NT5C2: variants seen among roughly 807,000 people sequenced by gnomAD.
NT5C2 encodes the protein 5'-nucleotidase, cytosolic II.
In NT5C2, 58 loss-of-function variants were observed where a neutral mutation model predicts 76.1. The observed-to-expected ratio is 0.76, with a 90% confidence interval of 0.62 to 0.95. NT5C2 has a LOEUF of 0.95. Among genes scored for constraint, NT5C2 ranks in the 40% least tolerant of loss-of-function variants. The pLI, the probability that NT5C2 is intolerant of heterozygous loss-of-function variation, is 0.00. For missense variants in NT5C2, 478 were observed against 690.3 expected (o/e 0.69, Z 3.45); for synonymous variants, 229 against 237.4 (o/e 0.96, Z 0.32).
Position 103,101,084 on chromosome 10 carries a change from C to T in NT5C2, c.500G>A (p.Cys167Tyr), listed in dbSNP as rs1340184014. 1 of 1,589,766 alleles carries T rather than the reference C, an allele frequency of 6.3e-7. No homozygotes were observed. Among genetic ancestry groups the T allele is most frequent in the Non-Finnish European group, 8.6e-7 (1 of 1,157,904 alleles). Reference protein sequence around the residue: ...FNLPETYLLACLVDFFTNCPR... With the variant: ...FNLPETYLLAYLVDFFTNCPR... Reference sequence around the variant, plus strand: ...ACAATTAGTAAAAAAATCTACTAGGCAGGCCAACAGGTAGGTCTCTGAAAA... The same window carrying T: ...ACAATTAGTAAAAAAATCTACTAGGTAGGCCAACAGGTAGGTCTCTGAAAA... The change falls in exon 8 of 19, where the codon TGC becomes TAC. Residue 167 changes from cysteine to tyrosine, a missense_variant. By Grantham distance (194) the Cys-to-Tyr change is radical. Transcript: ENST00000404739.
chr10:103,189,326 G>A (rs770691693), intron 1 of NT5C2, among the ~76,000 whole-genome samples: 4 of 151,944 alleles, frequency 2.6e-5, no homozygotes, highest in Non-Finnish European at 4.4e-5. Context: ...TAAAATTAAG[G>A]GCCGGGCGTG....
At chr10:103,171,670 T>C (rs2088046055) in intron 3 of NT5C2, among the ~76,000 whole-genome samples, 1 of 152,208 alleles carries the variant, frequency 6.6e-6, no homozygotes, top group Admixed American at 6.5e-5. Context: ...AAATAATTAC[T>C]AAATACATTA....
At chr10:103,117,119 T>A (rs2074533287) in intron 4 of NT5C2, among the ~76,000 whole-genome samples, 1 of 152,102 alleles carries the variant, frequency 6.6e-6, no homozygotes. Flanking sequence ...TAAAGCTTAG[T>A]TCAGTTAAAG....
In NT5C2 at chr10:103,097,290, C is replaced by T. The variant is rs770036597; in HGVS notation, c.771+1G>A. 1.2e-6 allele frequency: 2 copies of T among 1,606,474 alleles called. No homozygotes were observed. The highest frequency in any genetic ancestry group is 1.1e-5 in the South Asian group (1 of 90,498). Reference sequence around the variant, plus strand: ...AATAAATATACACATGAAGCACTTACATCTGTATATTTATAGTCACTGTTG... The same window carrying T: ...AATAAATATACACATGAAGCACTTATATCTGTATATTTATAGTCACTGTTG... On this transcript the variant is annotated splice_donor_variant, in intron 11 of 18. Transcript: ENST00000404739. LOFTEE classifies it high-confidence loss of function.
intron 3 of NT5C2, chr10:103,153,899 G>C (rs923577370): frequency 5.0e-6 from 3 of 605,376 alleles, no homozygotes; most frequent in Non-Finnish European, 6.2e-6. Flanking sequence ...CCACAGCGAG[G>C]TATTTTTTTT....
intron 4 of NT5C2, among the ~76,000 whole-genome samples, chr10:103,108,152 CAAAAAGAAAAAAAA>C (rs1487025096): frequency 6.6e-6 from 1 of 150,902 alleles, no homozygotes; most frequent in Non-Finnish European, 1.5e-5. Context: ...GAGACTGTCT[CAAAAAGAAAAAAAA>C]GAAAAGAAAA....
intron 4 of NT5C2, among the ~76,000 whole-genome samples, chr10:103,107,100 T>C (rs967894234): frequency 8.5e-5 from 13 of 152,354 alleles, no homozygotes; most frequent in African/African-American, 3.1e-4. Flanking sequence ...GGGAGGTCTA[T>C]GTATGCTGAA....
intron 4 of NT5C2, among the ~76,000 whole-genome samples, chr10:103,112,309 G>A (rs972735806): frequency 3.9e-5 from 6 of 152,018 alleles, no homozygotes; most frequent in Non-Finnish European, 7.4e-5. Flanking sequence ...TAACTACTAG[G>A]TTAGTCATTA....
At chr10:103,119,790 T>C (rs1246368598) in intron 4 of NT5C2, among the ~76,000 whole-genome samples, 2 of 135,470 alleles carry the variant, frequency 1.5e-5, no homozygotes, top group African/African-American at 5.4e-5. Context: ...TACATTGTCA[T>C]TGGTTTCATT....
intron 4 of NT5C2, among the ~76,000 whole-genome samples, chr10:103,116,076 T>C (rs892312339): frequency 2.0e-5 from 3 of 152,170 alleles, no homozygotes; most frequent in African/African-American, 7.2e-5. Flanking sequence ...AGGACTATAA[T>C]ATCTCAAATG....
intron 5 of NT5C2, 26 bp downstream of exon 5, chr10:103,106,563 A>T: frequency 2.1e-6 from 3 of 1,427,804 alleles, no homozygotes; most frequent in Non-Finnish European, 3.0e-6. Context: ...ATCTAGTCTT[A>T]ATCCAAAAAT....
intron 6 of NT5C2, among the ~76,000 whole-genome samples, chr10:103,102,519 T>G (rs997307610): frequency 2.0e-5 from 3 of 151,710 alleles, no homozygotes; most frequent in African/African-American, 7.3e-5. Context: ...CTCTCAGAAT[T>G]TTTTCTTTTT....
chr10:103,094,742 C>T (rs1035467677), intron 12 of NT5C2, among the ~76,000 whole-genome samples: 3 of 152,060 alleles, frequency 2.0e-5, no homozygotes, highest in Non-Finnish European at 4.4e-5. Context: ...ATTAGCCGGG[C>T]GTGGTGGCGG....
At chr10:103,107,293 T>C (rs950296941) in intron 4 of NT5C2, among the ~76,000 whole-genome samples, 1 of 152,232 alleles carries the variant, frequency 6.6e-6, no homozygotes, top group Non-Finnish European at 1.5e-5. Context: ...GCCATCAAAA[T>C]TGTATTTTGC....
chr10:103,142,400 GGTGTAGTA>G (rs2080616937), intron 3 of NT5C2, among the ~76,000 whole-genome samples: 1 of 152,146 alleles, frequency 6.6e-6, no homozygotes, highest in African/African-American at 2.4e-5. Context: ...ATAAAGGCCA[GGTGTAGTA>G]GCTCACGCCT....
chr10:103,089,525 GATA>G lies in NT5C2; in HGVS notation c.*144_*146del, dbSNP rs540658783. On this transcript the variant is annotated 3_prime_UTR_variant, in exon 19 of 19. Transcript: ENST00000404739. ...ACACAAAACCAAAACAAGTATCTAT[GATA>G]ATAAAATCTTCAGAAACTTTTCAGA... 1.8e-4 allele frequency: 241 copies of G among 1,368,870 alleles called. 5 individuals are homozygous for G. The South Asian group carries it at 2.5e-3, about 14-fold the overall frequency. 84.8% of individuals were successfully genotyped at this position (1,368,870 alleles called of 1,614,324 possible).
intron 16 of NT5C2, 91 bp downstream of exon 16, chr10:103,091,473 A>C: frequency 9.9e-7 from 1 of 1,009,170 alleles, no homozygotes. Context: ...AGCCTCCCAA[A>C]TAGCTGGGAT....
At chr10:103,095,226 G>A (rs141929043) in intron 12 of NT5C2, among the ~76,000 whole-genome samples, 29 of 152,256 alleles carry the variant, frequency 1.9e-4, no homozygotes, top group African/African-American at 5.8e-4. Context: ...CTGGCTTTTG[G>A]CTCACAGTGT....
At chr10:103,185,841 A>T (rs2091951872) in intron 1 of NT5C2, among the ~76,000 whole-genome samples, 1 of 152,144 alleles carries the variant, frequency 6.6e-6, no homozygotes, top group Admixed American at 6.6e-5. Flanking sequence ...CAGTATTTCT[A>T]CCTTTTAATA....
Sources: gnomAD v4.1 joint callset for allele counts (sites outside exome capture counted in the v4.1 genomes callset) on GRCh38, gnomAD v4.1.1 for gene constraint, MANE v1.5 for transcripts, NCBI Gene and HGNC (gene_info 2026-07-23, HGNC 2026-07-21) for gene names.